Variants in PIP5K1B observed in about 807,000 individuals in gnomAD.
PIP5K1B encodes phosphatidylinositol 4-phosphate 5-kinase type-1 beta.
Under a neutral mutation model 67.0 loss-of-function variants are expected in PIP5K1B, and 42 were observed. The ratio of observed to expected loss-of-function variants is 0.63; its 90% CI spans 0.49 to 0.81. The LOEUF (loss-of-function observed/expected upper bound fraction) is 0.81. Ranked by LOEUF, PIP5K1B falls within the 30% of genes least tolerant of loss-of-function variation. The pLI is 0.00. For synonymous variants in PIP5K1B, 214 were observed against 231.4 expected (o/e 0.92, Z 0.68); for missense variants, 459 against 646.3 (o/e 0.71, Z 3.14).
At chr9:68,790,333 A>G (rs1831889405) in intron 2 of PIP5K1B, among the ~76,000 whole-genome samples, 1 of 152,248 alleles carries the variant, frequency 6.6e-6, no homozygotes, top group African/African-American at 2.4e-5. Flanking sequence ...AAAACATTCC[A>G]GAATTGGTGA....
At chr9:68,871,123 G>A (rs1823608045) in intron 5 of PIP5K1B, among the ~76,000 whole-genome samples, 1 of 152,146 alleles carries the variant, frequency 6.6e-6, no homozygotes, top group Non-Finnish European at 1.5e-5. Context: ...ATAGAGAGGA[G>A]AACACCAACT....
intron 6 of PIP5K1B, among the ~76,000 whole-genome samples, chr9:68,884,251 G>A (rs1824342090): frequency 6.6e-6 from 1 of 151,570 alleles, no homozygotes; most frequent in African/African-American, 2.4e-5. Context: ...AACGCATCAG[G>A]TAAAGGGTTG....
At chr9:68,711,000 TG>T (rs1827365138) in intron 1 of PIP5K1B, among the ~76,000 whole-genome samples, 2 of 152,186 alleles carry the variant, frequency 1.3e-5, no homozygotes, top group Admixed American at 6.5e-5. Context: ...GGATTGGAAT[TG>T]TAAGTACTAG....
At chr9:68,768,331 C>T (rs941655446) in intron 2 of PIP5K1B, among the ~76,000 whole-genome samples, 14 of 152,044 alleles carry the variant, frequency 9.2e-5, no homozygotes, top group Admixed American at 7.9e-4. Flanking sequence ...TGTGACACAC[C>T]CCAGGCCCTA....
intron 2 of PIP5K1B, among the ~76,000 whole-genome samples, chr9:68,811,672 A>G (rs1020970407): frequency 6.6e-6 from 1 of 152,188 alleles, no homozygotes; most frequent in Non-Finnish European, 1.5e-5. Flanking sequence ...CAATAGTGGC[A>G]TCATGTTGAT....
At chr9:68,892,959 G>C (rs908179848) in intron 7 of PIP5K1B, among the ~76,000 whole-genome samples, 3 of 152,078 alleles carry the variant, frequency 2.0e-5, no homozygotes, top group African/African-American at 7.2e-5. Context: ...TGTAGTCCCA[G>C]CTACTTGGGA....
At chr9:68,901,853 T>C (rs1564217810) in intron 8 of PIP5K1B, among the ~76,000 whole-genome samples, 1 of 152,236 alleles carries the variant, frequency 6.6e-6, no homozygotes. Flanking sequence ...CCAGGTTTTA[T>C]TGTGAGAACA....
intron 14 of PIP5K1B, among the ~76,000 whole-genome samples, chr9:68,969,989 T>A (rs1829266811): frequency 6.8e-6 from 1 of 146,130 alleles, no homozygotes; most frequent in Non-Finnish European, 1.5e-5. Flanking sequence ...GGAGGTTGGA[T>A]TTTTTCATTA....
intron 14 of PIP5K1B, among the ~76,000 whole-genome samples, chr9:68,969,293 A>G (rs1829221202): frequency 6.8e-6 from 1 of 147,428 alleles, no homozygotes; most frequent in Non-Finnish European, 1.5e-5. Context: ...GCGTGAACCC[A>G]GGAGCCGGGG....
At chr9:68,909,683 C>T (rs1257616558) in intron 8 of PIP5K1B, among the ~76,000 whole-genome samples, 1 of 152,236 alleles carries the variant, frequency 6.6e-6, no homozygotes, top group African/African-American at 2.4e-5. Context: ...CTCTCTTGTG[C>T]GTTTTTTCTG....
chr9:68,897,785 C>T (rs112495083), intron 8 of PIP5K1B, among the ~76,000 whole-genome samples: 12 of 152,090 alleles, frequency 7.9e-5, no homozygotes, highest in African/African-American at 2.2e-4. Context: ...TATGGCTGAC[C>T]TCCCCCTGCT....
rs552585569 is a variant in PIP5K1B, at chr9:68,996,146, G to A, written c.1620+4889G>A. ...ATACATAAGTTTAAACCCAAATGAC[G>A]TATGCCCACCAGATAACATATGAAA... On this transcript the variant is annotated intron_variant, in intron 15 of 15. Transcript: ENST00000265382. Among the ~76,000 whole-genome samples, 18 of 152,278 alleles carry A rather than the reference G, an allele frequency of 1.2e-4. No homozygotes were observed. In the South Asian group the frequency reaches 2.1e-3, roughly 18 times the overall value.
intron 2 of PIP5K1B, among the ~76,000 whole-genome samples, chr9:68,748,689 T>G (rs913122683): frequency 3.4e-5 from 5 of 146,378 alleles, no homozygotes; most frequent in Non-Finnish European, 4.5e-5. Context: ...TGGCACCATC[T>G]TGGCTCACTG....
chr9:68,896,628 A>G (rs1427756529), intron 8 of PIP5K1B, among the ~76,000 whole-genome samples: 3 of 152,190 alleles, frequency 2.0e-5, no homozygotes, highest in South Asian at 4.1e-4. Flanking sequence ...AAATATGTAC[A>G]TCTGCCTTCA....
intron 4 of PIP5K1B, among the ~76,000 whole-genome samples, chr9:68,833,844 A>T (rs986400576): frequency 1.3e-5 from 2 of 152,170 alleles, no homozygotes; most frequent in East Asian, 1.9e-4. Context: ...GATGAATGGT[A>T]GGGGGGAAAC....
At chr9:68,938,581 G>A (rs565437981) in intron 13 of PIP5K1B, among the ~76,000 whole-genome samples, 6 of 152,092 alleles carry the variant, frequency 3.9e-5, no homozygotes, top group African/African-American at 1.4e-4. Context: ...GGGGCATTTA[G>A]CCCATTTATA....
intron 14 of PIP5K1B, among the ~76,000 whole-genome samples, chr9:68,984,048 C>T (rs1425233825): frequency 2.6e-5 from 4 of 152,192 alleles, no homozygotes; most frequent in Non-Finnish European, 4.4e-5. Context: ...GAGCAATACC[C>T]TGTCTCTAAA....
At chr9:68,764,939 T>A (rs1445833089) in intron 2 of PIP5K1B, among the ~76,000 whole-genome samples, 1 of 152,074 alleles carries the variant, frequency 6.6e-6, no homozygotes, top group African/African-American at 2.4e-5. Context: ...CTAATTTTTA[T>A]TTTAAAAAAA....
chr9:68,742,778 G>T (rs1382830941), intron 2 of PIP5K1B, 121 bp downstream of exon 2: 1 of 152,196 alleles, frequency 6.6e-6, no homozygotes, highest in Non-Finnish European at 1.5e-5. Context: ...GGTGTGAATG[G>T]GCAGCTGATG....
Sources: gnomAD v4.1 joint callset for allele counts (sites outside exome capture counted in the v4.1 genomes callset) on GRCh38, gnomAD v4.1.1 for gene constraint, MANE v1.5 for transcripts, NCBI Gene and HGNC (gene_info 2026-07-23, HGNC 2026-07-21) for gene names.